The following SYT16 variants were observed in gnomAD, a reference collection of about 807,000 sequenced individuals.
SYT16 encodes synaptotagmin-16.
A neutral mutation model predicts 61.4 loss-of-function variants in SYT16; 42 were observed. The ratio of observed to expected loss-of-function variants is 0.68; its 90% confidence interval spans 0.53 to 0.89. The LOEUF (loss-of-function observed/expected upper bound fraction) is 0.89. Ranked by LOEUF, SYT16 falls within the 40% of genes least tolerant of loss-of-function variation. SYT16 has a pLI of 0.00. For synonymous variants in SYT16, 314 were observed against 302.3 expected (o/e 1.04, Z -0.40); for missense variants, 804 against 807.3 (o/e 1.00, Z 0.05).
At position 62,108,973 on chromosome 14, in the gene SYT16, AT is replaced by A. The variant is rs1267343693; in HGVS notation, c.*8270del. ...AAACACAACCTTCTTCCCCGTGAAC[AT>A]TTTGAACACCACAGTGCTATATTTG... On this transcript the variant is annotated 3_prime_UTR_variant, in exon 8 of 8. Transcript: ENST00000683842. The A allele has an allele frequency of 2.6e-5, 4 of 152,194 alleles. No homozygotes were observed. Among genetic ancestry groups the A allele is most frequent in the African/African-American group, 9.7e-5 (4 of 41,444 alleles). The allele number at this position is 152,194 out of a possible 1,614,324, so 9.4% of individuals were successfully genotyped here. A position where few individuals can be genotyped will look rare whatever the true frequency, so the allele number is the denominator to read the frequency against.
intron 1 of SYT16, among the ~76,000 whole-genome samples, chr14:61,898,530 A>AT (rs1293041525): frequency 6.6e-6 from 1 of 152,228 alleles, no homozygotes; most frequent in African/African-American, 2.4e-5. Flanking sequence ...TCCCGGGGCC[A>AT]TGATAGTACT....
chr14:61,905,159 A>C (rs2048657009), intron 1 of SYT16, among the ~76,000 whole-genome samples: 1 of 152,222 alleles, frequency 6.6e-6, no homozygotes, highest in Non-Finnish European at 1.5e-5. Flanking sequence ...CATAAAGATG[A>C]GTGAAACCCA....
rs529816864 is a variant in SYT16, at chr14:62,106,711, T to C, written c.*6004T>C. 1.3e-5 allele frequency: 2 copies of C among 152,298 alleles called. No homozygotes were observed. Among genetic ancestry groups the C allele is most frequent in the East Asian group, 3.9e-4 (2 of 5,174 alleles). The allele number at this position is 152,298 out of a possible 1,614,324, so 9.4% of individuals were successfully genotyped here. ...TAGGGCTTTGGGGATGCCTGCAGGC[T>C]CAGGGGGAGTTTCCTCTCCTATGGT... On this transcript the variant is annotated 3_prime_UTR_variant, in exon 8 of 8. Coordinates refer to ENST00000683842, the MANE Select transcript of SYT16 (RefSeq NM_001367656.1).
chr14:62,038,995 A>G (rs1857553685), intron 3 of SYT16, among the ~76,000 whole-genome samples: 1 of 152,198 alleles, frequency 6.6e-6, no homozygotes, highest in African/African-American at 2.4e-5. Flanking sequence ...ATTCCCATTT[A>G]TATATGAAGA....
chr14:62,099,142 G>T (rs941433651), intron 7 of SYT16, among the ~76,000 whole-genome samples: 3 of 152,310 alleles, frequency 2.0e-5, no homozygotes, highest in East Asian at 3.9e-4. Flanking sequence ...CTTGAGACTA[G>T]TGGGAAGTAT....
chr14:61,896,369 A>G (rs1471099592), intron 1 of SYT16, among the ~76,000 whole-genome samples: 3 of 152,212 alleles, frequency 2.0e-5, no homozygotes, highest in Non-Finnish European at 1.5e-5. Flanking sequence ...ATAATTGCCT[A>G]CTTCATTTCC....
At chr14:61,888,467 A>C (rs2047999630) in intron 1 of SYT16, among the ~76,000 whole-genome samples, 1 of 152,194 alleles carries the variant, frequency 6.6e-6, no homozygotes, top group East Asian at 1.9e-4. Flanking sequence ...AACTAAGTCC[A>C]AGAAAAGGGA....
chr14:61,883,003 C>G (rs1283124846), intron 1 of SYT16, among the ~76,000 whole-genome samples: 1 of 152,148 alleles, frequency 6.6e-6, no homozygotes, highest in Non-Finnish European at 1.5e-5. Context: ...GTACCTTTGT[C>G]CCTTTTAGCC....
At chr14:61,849,964 AT>A (rs1211703832) in intron 1 of SYT16, among the ~76,000 whole-genome samples, 8 of 151,838 alleles carry the variant, frequency 5.3e-5, no homozygotes, top group African/African-American at 1.9e-4. Flanking sequence ...ACATTTCCAT[AT>A]TTTTTTCCAT....
intron 1 of SYT16, among the ~76,000 whole-genome samples, chr14:61,958,136 C>A (rs182011952): frequency 2.4e-3 from 356 of 151,386 alleles, no homozygotes; most frequent in African/African-American, 8.2e-3. Flanking sequence ...GTTGTAATAT[C>A]TTCCCTTTCA....
chr14:61,989,518 A>G (rs1460796546), intron 2 of SYT16, among the ~76,000 whole-genome samples: 1 of 152,186 alleles, frequency 6.6e-6, no homozygotes, highest in East Asian at 1.9e-4. Flanking sequence ...AGCCGAGATC[A>G]TGCCACTGCA....
At chr14:62,023,745 C>T (rs886519542) in intron 3 of SYT16, among the ~76,000 whole-genome samples, 1 of 152,112 alleles carries the variant, frequency 6.6e-6, no homozygotes, top group Non-Finnish European at 1.5e-5. Flanking sequence ...TTTCATTCAG[C>T]TTTTAGAGGT....
chr14:61,977,205 C>G (rs1278951642), intron 2 of SYT16, among the ~76,000 whole-genome samples: 1 of 152,200 alleles, frequency 6.6e-6, no homozygotes, highest in Non-Finnish European at 1.5e-5. Flanking sequence ...TGTCTTCTTC[C>G]AAACCCTCCA....
In SYT16 at chr14:62,103,952, A is replaced by C. The variant is rs1036156680; in HGVS notation, c.*3245A>C. On this transcript the variant is annotated 3_prime_UTR_variant, in exon 8 of 8. Coordinates refer to ENST00000683842, the MANE Select transcript of SYT16 (RefSeq NM_001367656.1). ...TCCTAGGTGCCAGTGAGCCTGAAAC[A>C]CAGCTTCTGCCTTTTCAATGTGTAG... 6 of 152,218 alleles carry C rather than the reference A, an allele frequency of 3.9e-5. No individual in the cohort carries two copies. Among genetic ancestry groups the C allele is most frequent in the Admixed American group, 6.5e-5 (1 of 15,274 alleles). The allele number at this position is 152,218 out of a possible 1,614,324, so 9.4% of individuals were successfully genotyped here. A position where few individuals can be genotyped will look rare whatever the true frequency, so the allele number is the denominator to read the frequency against.
intron 1 of SYT16, among the ~76,000 whole-genome samples, chr14:61,821,112 G>C (rs1218033427): frequency 6.6e-6 from 1 of 151,908 alleles, no homozygotes; most frequent in African/African-American, 2.4e-5. Context: ...TGTCAGGTTT[G>C]CAGAGCCCTC....
At chr14:61,994,909 A>G (rs1461690567) in intron 2 of SYT16, among the ~76,000 whole-genome samples, 2 of 152,184 alleles carry the variant, frequency 1.3e-5, no homozygotes, top group East Asian at 1.9e-4. Flanking sequence ...AGACTAAGGG[A>G]TAGCTAGTAG....
At chr14:62,069,242 T>C (rs765386569) in intron 3 of SYT16, among the ~76,000 whole-genome samples, 5 of 152,210 alleles carry the variant, frequency 3.3e-5, no homozygotes, top group African/African-American at 4.8e-5. Flanking sequence ...TAGAACTGCA[T>C]ATAAGGCAAA....
intron 4 of SYT16, 131 bp downstream of exon 4, chr14:62,069,946 C>T (rs1486289145): frequency 3.3e-5 from 36 of 1,079,352 alleles, no homozygotes; most frequent in Admixed American, 9.3e-5. Context: ...GGATGCATTA[C>T]GTGGAGCAAA....
intron 1 of SYT16, among the ~76,000 whole-genome samples, chr14:61,853,108 G>C (rs1234909347): frequency 6.6e-6 from 1 of 152,076 alleles, no homozygotes; most frequent in Non-Finnish European, 1.5e-5. Context: ...TAGTAGAGAT[G>C]GGGTTTCACC....
Sources: allele counts gnomAD v4.1 joint callset (sites outside exome capture counted in the v4.1 genomes callset), GRCh38; gene constraint gnomAD v4.1.1; transcripts MANE v1.5; gene names NCBI Gene and HGNC (gene_info 2026-07-23, HGNC 2026-07-21).